Variants in CYP4X1 observed in about 807,000 individuals in gnomAD.
CYP4X1 encodes the protein cytochrome P450 4X1.
In CYP4X1, 44 loss-of-function variants were observed where a neutral mutation model predicts 57.9. That is an observed-to-expected ratio of 0.76 (90% confidence interval 0.60 to 0.98). The LOEUF is 0.98. Ranked by LOEUF, CYP4X1 falls within the 50% of genes least tolerant of loss-of-function variation. The pLI, the probability that CYP4X1 is intolerant of heterozygous loss-of-function variation, is 0.00. For missense variants in CYP4X1, 532 were observed against 623.9 expected (o/e 0.85, Z 1.57); for synonymous variants, 227 against 228.6 (o/e 0.99, Z 0.06).
chr1:46,978,302 C>CAA, the CYP4X1 span, among the ~76,000 whole-genome samples: 1 of 150,450 alleles, frequency 6.6e-6, no homozygotes, highest in Non-Finnish European at 1.5e-5. Context: ...AAATGGAAAG[C>CAA]AAAAAAAAGG....
chr1:47,046,718 G>A (rs1644306965), intron 9 of CYP4X1, 118 bp downstream of exon 9: 1 of 1,455,708 alleles, frequency 6.9e-7, no homozygotes, highest in African/African-American at 1.4e-5. Context: ...GCTAACATGT[G>A]ACTTAGGTTT....
At chr1:47,051,495 T>C (rs969622712), downstream of CYP4X1, among the ~76,000 whole-genome samples, 1 of 152,230 alleles carries the variant, frequency 6.6e-6, no homozygotes, top group African/African-American at 2.4e-5. Flanking sequence ...ACAGTATTTT[T>C]TGTTTATACC....
chr1:46,993,315 C>A, the CYP4X1 span, among the ~76,000 whole-genome samples: 1 of 152,118 alleles, frequency 6.6e-6, no homozygotes, highest in African/African-American at 2.4e-5. Flanking sequence ...GCCACATTTT[C>A]TTAATCCAGT....
At position 47,026,277 on chromosome 1, in the gene CYP4X1, TACCCCATTCTTC is replaced by T. The variant is rs1569607955; in HGVS notation, c.177+2285_177+2296del. ...ATGGATAAATGCTTGAGGGGATGGGTACCCCATTCTTCATGATGTGCCTATTTCACATTGCAT... is the reference window on the plus strand; with the variant it reads ...ATGGATAAATGCTTGAGGGGATGGGTATGATGTGCCTATTTCACATTGCAT... On this transcript the variant is annotated intron_variant, in intron 1 of 11. Coordinates refer to ENST00000371901, the MANE Select transcript of CYP4X1 (RefSeq NM_178033.2). 2.0e-5 allele frequency among the ~76,000 whole-genome samples: 3 copies of T among 152,212 alleles called. No homozygotes were observed. In the South Asian group the frequency reaches 6.2e-4, roughly 31 times the overall value.
the CYP4X1 span, among the ~76,000 whole-genome samples, chr1:47,017,976 T>G: frequency 6.6e-6 from 1 of 152,186 alleles, no homozygotes; most frequent in East Asian, 1.9e-4. Flanking sequence ...CTGAGAGCTG[T>G]CTCAAATTTT....
intron 8 of CYP4X1, among the ~76,000 whole-genome samples, chr1:47,045,589 C>T (rs551259934): frequency 3.3e-5 from 5 of 152,302 alleles, no homozygotes; most frequent in South Asian, 2.1e-4. Flanking sequence ...GGTTTATCAT[C>T]GACTTATTCT....
chr1:46,965,562 C>T, the CYP4X1 span, among the ~76,000 whole-genome samples: 14 of 152,322 alleles, frequency 9.2e-5, no homozygotes, highest in East Asian at 2.7e-3. Flanking sequence ...GGCTGTGAAA[C>T]AGCAAAGATG....
At chr1:46,967,920 G>C in the CYP4X1 span, 1 of 514,458 alleles carries the variant, frequency 1.9e-6, no homozygotes, top group Non-Finnish European at 3.1e-6. Context: ...CCCATTATGA[G>C]CTGGAAATTC....
chr1:47,038,672 A>C lies in CYP4X1; in HGVS notation c.788A>C (p.Gln263Pro). 6.2e-7 allele frequency: 1 copy of C among 1,607,492 alleles called. No homozygotes were observed. The highest frequency in any genetic ancestry group is 8.5e-7 in the Non-Finnish European group (1 of 1,177,166). The change falls in exon 7 of 12, where the codon CAG becomes CCG. Residue 263 changes from glutamine to proline, a missense_variant. Transcript: ENST00000371901. ...TTTTTCTACCCAGATACAATAATCC[A>C]GGAAAGAAAGAAATCCCTCCAGGCT... ...VLNQYTDTII[Q>P]ERKKSLQAGV...
chr1:47,040,036 G>A (rs1430911876), intron 8 of CYP4X1, among the ~76,000 whole-genome samples: 1 of 152,102 alleles, frequency 6.6e-6, no homozygotes, highest in Admixed American at 6.5e-5. Context: ...AGCAAATATG[G>A]ACTGAGGACA....
chr1:46,990,564 G>T, the CYP4X1 span, among the ~76,000 whole-genome samples: 1 of 152,260 alleles, frequency 6.6e-6, no homozygotes, highest in Admixed American at 6.5e-5. Context: ...ATACCCAAAG[G>T]ATTATAAATC....
the CYP4X1 span, among the ~76,000 whole-genome samples, chr1:46,985,933 G>A: frequency 6.6e-6 from 1 of 152,186 alleles, no homozygotes; most frequent in African/African-American, 2.4e-5. Flanking sequence ...CAAAAAGGCT[G>A]GAAATTCCAA....
the CYP4X1 span, among the ~76,000 whole-genome samples, chr1:47,015,387 G>T: frequency 6.6e-6 from 1 of 152,120 alleles, no homozygotes; most frequent in South Asian, 2.1e-4. Flanking sequence ...AATGCCCCCA[G>T]CAATAACCAT....
downstream of CYP4X1, among the ~76,000 whole-genome samples, chr1:47,054,200 G>T (rs1000410521): frequency 7.9e-5 from 12 of 151,690 alleles, no homozygotes; most frequent in Admixed American, 2.0e-4. Flanking sequence ...TCTTGTTTTT[G>T]TCAGGTTTGT....
the CYP4X1 span, among the ~76,000 whole-genome samples, chr1:46,992,369 C>G: frequency 6.6e-6 from 1 of 152,170 alleles, no homozygotes; most frequent in Non-Finnish European, 1.5e-5. Flanking sequence ...ACATTTTCTT[C>G]ACTCCAACAG....
chr1:47,044,355 A>G (rs1439650893), intron 8 of CYP4X1, among the ~76,000 whole-genome samples: 2 of 152,234 alleles, frequency 1.3e-5, no homozygotes, highest in African/African-American at 2.4e-5. Flanking sequence ...ACACTTAAAA[A>G]AACTATACAC....
chr1:46,984,132 G>T, the CYP4X1 span, among the ~76,000 whole-genome samples: 3 of 151,108 alleles, frequency 2.0e-5, no homozygotes, highest in South Asian at 6.3e-4. Flanking sequence ...GGAGGGCGGG[G>T]AGGGTGTGTG....
At chr1:47,021,780 A>T (rs1305963757), upstream of CYP4X1, among the ~76,000 whole-genome samples, 2 of 152,214 alleles carry the variant, frequency 1.3e-5, no homozygotes, top group African/African-American at 2.4e-5. Context: ...AGAGGGAGTC[A>T]CACCACCAGC....
upstream of CYP4X1, among the ~76,000 whole-genome samples, chr1:47,019,619 CTT>C (rs1643975917): frequency 6.6e-6 from 1 of 152,186 alleles, no homozygotes. Flanking sequence ...ACCATCATAT[CTT>C]ATCTGAATAT....
Sources: allele counts gnomAD v4.1 joint callset (sites outside exome capture counted in the v4.1 genomes callset), GRCh38; gene constraint gnomAD v4.1.1; transcripts MANE v1.5; gene names NCBI Gene and HGNC (gene_info 2026-07-23, HGNC 2026-07-21).